MAEL: variants seen among roughly 807,000 people sequenced by gnomAD.
MAEL encodes the protein protein maelstrom homolog.
Under a neutral mutation model 62.0 loss-of-function variants are expected in MAEL, and 46 were observed. The ratio of observed to expected loss-of-function variants is 0.74; its 90% CI spans 0.59 to 0.95. MAEL has a LOEUF of 0.95. Ranked by LOEUF, MAEL falls within the 40% of genes least tolerant of loss-of-function variation. MAEL has a pLI of 0.00. For synonymous variants in MAEL, 172 were observed against 175.5 expected (o/e 0.98, Z 0.16); for missense variants, 497 against 526.8 (o/e 0.94, Z 0.55).
rs769386563 is a variant in MAEL at position 167,021,164 on chromosome 1, A to G, written c.1117+4A>G. 1.9e-6 allele frequency: 3 copies of G among 1,605,750 alleles called. No homozygotes were observed. Among genetic ancestry groups the G allele is most frequent in the Non-Finnish European group, 2.6e-6 (3 of 1,173,204 alleles). Reference sequence around the variant, plus strand: ...CAAAGATCAAACACACCCATTGGTAAGCAACTTATATTTTACAAAAATGCA... The same window carrying G: ...CAAAGATCAAACACACCCATTGGTAGGCAACTTATATTTTACAAAAATGCA... On this transcript the variant is annotated splice_donor_region_variant and intron_variant, in intron 11 of 11. Coordinates refer to ENST00000367872, the MANE Select transcript of MAEL (RefSeq NM_032858.3).
chr1:167,002,508 C>G (rs1338626525), intron 5 of MAEL, among the ~76,000 whole-genome samples: 1 of 152,146 alleles, frequency 6.6e-6, no homozygotes, highest in African/African-American at 2.4e-5. Flanking sequence ...GAGTGCTAAA[C>G]AGTGTATATG....
chr1:166,989,186 A>T (rs1391744995), upstream of MAEL: 2 of 905,224 alleles, frequency 2.2e-6, no homozygotes, highest in South Asian at 3.5e-5. Flanking sequence ...TTCCAGTCTC[A>T]GGCTGTTTGT....
At position 166,989,291 on chromosome 1, in the gene MAEL, G is replaced by A; in HGVS notation, c.-62G>A. Reference sequence around the variant, plus strand: ...CGCCTACCTCTGTTACTTAGGGCGGGAGCCCGGCGAGGGCGCCGGTGCTTT... The same window carrying A: ...CGCCTACCTCTGTTACTTAGGGCGGAAGCCCGGCGAGGGCGCCGGTGCTTT... On this transcript the variant is annotated 5_prime_UTR_variant, in exon 1 of 12. Transcript: ENST00000367872. 1 of 1,557,962 alleles carries A rather than the reference G, an allele frequency of 6.4e-7. No individual in the cohort carries two copies. Among genetic ancestry groups the A allele is most frequent in the Non-Finnish European group, 8.7e-7 (1 of 1,149,948 alleles).
At chr1:166,989,923 C>A in intron 2 of MAEL, 94 bp downstream of exon 2, 2 of 1,009,818 alleles carry the variant, frequency 2.0e-6, no homozygotes, top group Non-Finnish European at 2.9e-6. Flanking sequence ...CAAGGGTGGA[C>A]TGCTTTGGGG....
chr1:166,979,507 G>A (rs539897913), intron 1 of MAEL, among the ~76,000 whole-genome samples: 1 of 152,282 alleles, frequency 6.6e-6, no homozygotes, highest in African/African-American at 2.4e-5. Context: ...TGAATAAATT[G>A]TTTGATTAAG....
intron 8 of MAEL, among the ~76,000 whole-genome samples, chr1:167,012,147 G>A (rs1321086102): frequency 6.6e-6 from 1 of 152,118 alleles, no homozygotes; most frequent in Non-Finnish European, 1.5e-5. Flanking sequence ...GTTAATATAA[G>A]CAAATGAAAC....
chr1:166,987,596 A>G (rs921952379), upstream of MAEL, among the ~76,000 whole-genome samples: 2 of 152,238 alleles, frequency 1.3e-5, no homozygotes, highest in Non-Finnish European at 2.9e-5. Context: ...TAATGTATGA[A>G]AGTTCCAGCT....
chr1:166,988,506 A>G (rs927659888), upstream of MAEL, among the ~76,000 whole-genome samples: 12 of 152,136 alleles, frequency 7.9e-5, no homozygotes, highest in African/African-American at 2.7e-4. Flanking sequence ...CGAGAAAGGA[A>G]TTTTCTCTGG....
intron 1 of MAEL, among the ~76,000 whole-genome samples, chr1:166,977,272 G>C (rs1299825994): frequency 1.3e-5 from 2 of 152,080 alleles, no homozygotes; most frequent in East Asian, 3.8e-4. Flanking sequence ...ATTTTTTCAT[G>C]CTATGTACTG....
chr1:166,983,065 AT>A (rs1272503178), intron 1 of MAEL, among the ~76,000 whole-genome samples: 2 of 152,140 alleles, frequency 1.3e-5, no homozygotes, highest in Admixed American at 1.3e-4. Context: ...CATTGGACTT[AT>A]TGTCCAAAAA....
At chr1:167,016,425 C>A in intron 9 of MAEL, 141 bp downstream of exon 9, 1 of 712,890 alleles carries the variant, frequency 1.4e-6, no homozygotes, top group Non-Finnish European at 2.4e-6. Flanking sequence ...CAAATCAAAA[C>A]TACAGTGAGA....
intron 8 of MAEL, among the ~76,000 whole-genome samples, chr1:167,015,860 G>T (rs943644995): frequency 6.6e-6 from 1 of 151,984 alleles, no homozygotes; most frequent in African/African-American, 2.4e-5. Context: ...GTTTTGTGTG[G>T]ACAATAATTT....
chr1:167,019,522 G>A (rs1665540748), intron 10 of MAEL, among the ~76,000 whole-genome samples: 1 of 151,974 alleles, frequency 6.6e-6, no homozygotes, highest in Non-Finnish European at 1.5e-5. Flanking sequence ...AAAATTTCAG[G>A]TATCTTCAGT....
intron 5 of MAEL, among the ~76,000 whole-genome samples, chr1:166,997,089 G>A (rs1172741264): frequency 6.6e-6 from 1 of 152,200 alleles, no homozygotes; most frequent in Non-Finnish European, 1.5e-5. Context: ...GTCTCCCAAA[G>A]TGCTGGGCTT....
rs1483356252 is a variant in MAEL at position 167,021,143 on chromosome 1, G to A, written c.1100G>A (p.Arg367Lys). The A allele has an allele frequency of 1.2e-6, 2 of 1,611,910 alleles. No homozygotes were observed. Among genetic ancestry groups the A allele is most frequent in the East Asian group, 2.2e-5 (1 of 44,770 alleles). ...SHFNSSNEEQRSNTPIGDYPS... is the reference protein window; with the variant it reads ...SHFNSSNEEQKSNTPIGDYPS... ...TTCAACTCTTCTAATGAGGAACAAA[G>A]ATCAAACACACCCATTGGTAAGCAA... Residue 367 changes from arginine (R) to lysine (K), a missense_variant, in exon 11 of 12, where the codon AGA becomes AAA. Transcript: ENST00000367872.
intron 5 of MAEL, among the ~76,000 whole-genome samples, chr1:167,003,574 T>C (rs1228510626): frequency 6.6e-6 from 1 of 152,230 alleles, no homozygotes; most frequent in African/African-American, 2.4e-5. Context: ...GTCATTCAGC[T>C]TCCTCTTCTG....
At chr1:166,989,997 A>C (rs1571241279) in intron 2 of MAEL, 168 bp downstream of exon 2, 3 of 609,832 alleles carry the variant, frequency 4.9e-6, no homozygotes, top group South Asian at 2.1e-5. Context: ...GTTAAAAAAA[A>C]CCAACAGCCT....
intron 8 of MAEL, among the ~76,000 whole-genome samples, chr1:167,008,066 G>A (rs1665007498): frequency 6.6e-6 from 1 of 151,638 alleles, no homozygotes; most frequent in Non-Finnish European, 1.5e-5. Flanking sequence ...CTTTATTCTA[G>A]CTTCATTAAA....
At chr1:166,993,935 T>A in intron 4 of MAEL, 93 bp from the exon 5 acceptor site, 1 of 869,894 alleles carries the variant, frequency 1.1e-6, no homozygotes, top group Non-Finnish European at 1.8e-6. Context: ...AAATTACCTT[T>A]CTGTGTGATA....
Sources: allele counts gnomAD v4.1 joint callset (sites outside exome capture counted in the v4.1 genomes callset), GRCh38; gene constraint gnomAD v4.1.1; transcripts MANE v1.5; gene names NCBI Gene and HGNC (gene_info 2026-07-23, HGNC 2026-07-21).